GALNTL6: variants seen among roughly 807,000 people sequenced by gnomAD.
GALNTL6 encodes the protein polypeptide N-acetylgalactosaminyltransferase-like 6.
Under a neutral mutation model 73.7 loss-of-function variants are expected in GALNTL6, and 46 were observed. That is an observed-to-expected ratio of 0.62 (90% CI 0.49 to 0.80). The LOEUF (loss-of-function observed/expected upper bound fraction) is 0.80. GALNTL6 is among the 30% of genes least tolerant of loss of function. GALNTL6 has a pLI of 0.00. For missense variants in GALNTL6, 604 were observed against 755.0 expected (o/e 0.80, Z 2.34); for synonymous variants, 259 against 263.7 (o/e 0.98, Z 0.17).
intron 5 of GALNTL6, among the ~76,000 whole-genome samples, chr4:172,779,008 T>TAC (rs36125820): frequency 0.048 from 7,194 of 150,366 alleles, 426 homozygotes; most frequent in African/African-American, 0.12. Context: ...CACACTCCCA[T>TAC]ACACACACAC....
intron 5 of GALNTL6, among the ~76,000 whole-genome samples, chr4:172,774,992 TAA>T (rs879534370): frequency 0.02 from 2,007 of 98,008 alleles, 23 homozygotes; most frequent in South Asian, 0.044. Flanking sequence ...ATAATAATAA[TAA>T]TAATAATAAA....
chr4:172,828,354 C>T (rs1742393406), intron 7 of GALNTL6, among the ~76,000 whole-genome samples: 1 of 151,730 alleles, frequency 6.6e-6, no homozygotes, highest in Non-Finnish European at 1.5e-5. Context: ...TTGTCAATTG[C>T]TTTCCCTGCA....
intron 5 of GALNTL6, among the ~76,000 whole-genome samples, chr4:172,421,805 G>T (rs893934034): frequency 4.6e-5 from 7 of 151,972 alleles, no homozygotes; most frequent in African/African-American, 1.2e-4. Context: ...GAGCTATATT[G>T]TCTCCCATGG....
intron 5 of GALNTL6, among the ~76,000 whole-genome samples, chr4:172,531,489 G>T (rs1254496816): frequency 6.6e-6 from 1 of 152,218 alleles, no homozygotes; most frequent in Non-Finnish European, 1.5e-5. Flanking sequence ...CTTCCCAGCT[G>T]TCAGCTGCTG....
intron 10 of GALNTL6, among the ~76,000 whole-genome samples, chr4:172,975,903 G>A (rs1750784384): frequency 6.6e-6 from 1 of 152,188 alleles, no homozygotes; most frequent in Non-Finnish European, 1.5e-5. Flanking sequence ...AGCCTGCAGG[G>A]TTGGGGCGGA....
intron 4 of GALNTL6, among the ~76,000 whole-genome samples, chr4:172,321,374 C>T (rs1740751046): frequency 6.6e-6 from 1 of 152,116 alleles, no homozygotes. Context: ...CTGAAACATC[C>T]TGTTTCCAAC....
intron 10 of GALNTL6, 51 bp from the exon 11 acceptor site, chr4:173,009,127 T>C (rs370599998): frequency 8.2e-7 from 1 of 1,220,286 alleles, no homozygotes; most frequent in African/African-American, 1.5e-5. Context: ...TAGGAGCCAA[T>C]GATAAAATAC....
intron 5 of GALNTL6, among the ~76,000 whole-genome samples, chr4:172,671,465 C>T (rs561750099): frequency 2.0e-5 from 3 of 152,134 alleles, no homozygotes; most frequent in South Asian, 2.1e-4. Flanking sequence ...TTGGCTTGAC[C>T]GTTTTTGGCA....
chr4:172,746,437 G>C (rs1182092092), intron 5 of GALNTL6, among the ~76,000 whole-genome samples: 1 of 151,948 alleles, frequency 6.6e-6, no homozygotes, highest in Non-Finnish European at 1.5e-5. Context: ...CAAGTTCACT[G>C]AATTTTTTAT....
intron 2 of GALNTL6, among the ~76,000 whole-genome samples, chr4:171,947,544 T>G (rs767436547): frequency 3.9e-5 from 6 of 152,078 alleles, no homozygotes; most frequent in Admixed American, 6.5e-5. Flanking sequence ...CACAACAGAG[T>G]GCTGACAGGA....
At chr4:172,271,963 T>A (rs182779578) in intron 3 of GALNTL6, among the ~76,000 whole-genome samples, 15 of 151,876 alleles carry the variant, frequency 9.9e-5, no homozygotes, top group East Asian at 7.7e-4. Context: ...ATATATATTT[T>A]TTTTTATGAG....
chr4:172,290,197 A>G (rs906025294), intron 3 of GALNTL6, among the ~76,000 whole-genome samples: 1 of 114,850 alleles, frequency 8.7e-6, no homozygotes, highest in Non-Finnish European at 1.7e-5. Context: ...CTCTGAGACA[A>G]ATTTTAATTG....
chr4:172,981,886 T>C (rs1206777147), intron 10 of GALNTL6, among the ~76,000 whole-genome samples: 1 of 143,430 alleles, frequency 7.0e-6, no homozygotes, highest in East Asian at 2.3e-4. Context: ...AACCTCTGCC[T>C]CCCAGGTTCA....
intron 2 of GALNTL6, among the ~76,000 whole-genome samples, chr4:171,887,889 A>C (rs1578942856): frequency 6.6e-6 from 1 of 152,338 alleles, no homozygotes; most frequent in East Asian, 1.9e-4. Context: ...TAATTTACTT[A>C]TGACTACATT....
At chr4:172,130,872 A>T (rs952119029) in intron 2 of GALNTL6, among the ~76,000 whole-genome samples, 1 of 152,120 alleles carries the variant, frequency 6.6e-6, no homozygotes, top group Non-Finnish European at 1.5e-5. Context: ...GAGATATTTC[A>T]TTACACATTG....
chr4:172,645,135 T>C (rs1463314640), intron 5 of GALNTL6, among the ~76,000 whole-genome samples: 1 of 152,038 alleles, frequency 6.6e-6, no homozygotes, highest in Non-Finnish European at 1.5e-5. Flanking sequence ...AAATATTTTC[T>C]CCCAGTCTTT....
chr4:172,305,128 T>C (rs1740082937), intron 3 of GALNTL6, among the ~76,000 whole-genome samples: 1 of 152,060 alleles, frequency 6.6e-6, no homozygotes, highest in South Asian at 2.1e-4. Context: ...GTGGTGCATA[T>C]AGTAGACAAT....
At chr4:172,334,751 C>G (rs1430094072) in intron 4 of GALNTL6, among the ~76,000 whole-genome samples, 2 of 152,084 alleles carry the variant, frequency 1.3e-5, no homozygotes, top group Non-Finnish European at 1.5e-5. Context: ...GATAGGACTT[C>G]CAGTACATGT....
intron 5 of GALNTL6, among the ~76,000 whole-genome samples, chr4:172,727,892 A>G (rs1228486094): frequency 6.6e-6 from 1 of 151,666 alleles, no homozygotes; most frequent in Non-Finnish European, 1.5e-5. Flanking sequence ...TATTGAGGTA[A>G]AAAATACCAT....
Sources: gnomAD v4.1 joint callset for allele counts (sites outside exome capture counted in the v4.1 genomes callset) on GRCh38, gnomAD v4.1.1 for gene constraint, MANE v1.5 for transcripts, NCBI Gene and HGNC (gene_info 2026-07-23, HGNC 2026-07-21) for gene names.